ABT1: variants seen among roughly 807,000 people sequenced by gnomAD.
The protein encoded by ABT1 is TATA-binding protein-binding protein.
ABT1 carries 13 observed loss-of-function variants against 14.0 expected under a neutral mutation model. The observed-to-expected ratio is 0.93, with a 90% CI of 0.61 to 1.48. ABT1 has a LOEUF of 1.48. Among genes scored for constraint, ABT1 ranks in the 40% most tolerant of loss-of-function variants. ABT1 has a pLI of 0.00. For missense variants in ABT1, 430 were observed against 380.0 expected (o/e 1.13, Z -1.09); for synonymous variants, 165 against 144.6 (o/e 1.14, Z -1.01).
In ABT1 at chr6:26,597,114, G is replaced by A; in HGVS notation, c.132G>A (p.Val44=). ...EAACGSKKRV[V]PGIVYLGHIP... ...CCTGTGGCAGCAAGAAACGGGTAGT[G>A]CCAGGTATTGTGTACCTGGGCCATA... Residue 44 remains valine (V), a synonymous_variant, in exon 1 of 3, where the codon GTG becomes GTA. Transcript: ENST00000274849. The A allele has an allele frequency of 6.2e-7, 1 of 1,614,086 alleles. No individual in the cohort carries two copies. The highest frequency in any genetic ancestry group is 8.5e-7 in the Non-Finnish European group (1 of 1,179,984).
At position 26,598,033 on chromosome 6, in the gene ABT1, G is replaced by C; in HGVS notation, c.361G>C (p.Val121Leu). Residue 121 changes from valine (V) to leucine (L), a missense_variant, in exon 2 of 3, where the codon GTG becomes CTG. Physicochemically the swap from Val to Leu is conservative, Grantham distance 32. Coordinates refer to ENST00000274849, the MANE Select transcript of ABT1 (RefSeq NM_013375.4). ...CCGTGACAAGCGCATAGCCAAGCGC[G>C]TGGCGGCCAGTCTACACAACACGCC... ...EFRDKRIAKR[V>L]AASLHNTPMG... 1 of 1,614,220 alleles carries C rather than the reference G, an allele frequency of 6.2e-7. No homozygotes were observed. Among genetic ancestry groups the C allele is most frequent in the Non-Finnish European group, 8.5e-7 (1 of 1,180,036 alleles).
chr6:26,598,526 G>A lies in ABT1; in HGVS notation c.700G>A (p.Ala234Thr), dbSNP rs138547122. Residue 234 changes from alanine (A) to threonine (T), a missense_variant, in exon 3 of 3, where the codon GCT (alanine) becomes ACT (threonine). By Grantham distance (58) the Ala-to-Thr change is moderately conservative (BLOSUM62 0). Transcript: ENST00000274849. ...AGCACGGCCAGGGGGACGTGAACGG[G>A]CTCGCCTGGCAACTGCCCAGGACAA... ...KAARPGGRERARLATAQDKAR... is the reference protein window; with the variant it reads ...KAARPGGRERTRLATAQDKAR... 26 of 1,613,640 alleles carry A rather than the reference G, an allele frequency of 1.6e-5. No individual in the cohort carries two copies. The African/African-American group carries it at 2.7e-4, about 17-fold the overall frequency.
rs1258888955 is a variant in ABT1, at chr6:26,599,886, C to G, written c.*1241C>G. The G allele has an allele frequency of 2.6e-5, 4 of 152,238 alleles. No individual in the cohort carries two copies. Among genetic ancestry groups the G allele is most frequent in the African/African-American group, 4.8e-5 (2 of 41,454 alleles). 9.4% of individuals were successfully genotyped at this position (152,238 alleles called of 1,614,324 possible). A position where few individuals can be genotyped will look rare whatever the true frequency, so the allele number is the denominator to read the frequency against. On this transcript the variant is annotated 3_prime_UTR_variant, in exon 3 of 3. Coordinates refer to ENST00000274849, the MANE Select transcript of ABT1 (RefSeq NM_013375.4). ...AAGTGATAGAGTATGATTATAATTT[C>G]TGTTTGCTTGTGCTGTTTGTTTTTG...
Position 26,598,616 on chromosome 6 carries a change from G to A in ABT1, c.790G>A (p.Glu264Lys), listed in dbSNP as rs2113626371. 1 of 1,581,190 alleles carries A rather than the reference G, an allele frequency of 6.3e-7. No homozygotes were observed. The change falls in exon 3 of 3, where the codon GAG (glutamate) becomes AAG (lysine). Residue 264 changes from glutamate (E) to lysine (K), a missense_variant. Transcript: ENST00000274849. ...AGCCCCGCCACCCTCAGAGAGCATG[G>A]AGGGACCTTCCCTTGTCAGGGACTC... is the stretch of plus-strand genomic sequence containing the variant. ...FGAPPPSESM[E>K]GPSLVRDS
intron 1 of ABT1, 56 bp downstream of exon 1, chr6:26,597,279 G>A (rs1764915092): frequency 6.3e-7 from 1 of 1,591,456 alleles, no homozygotes; most frequent in Admixed American, 1.7e-5. Context: ...CTGGCGGGGT[G>A]CAAGCATGCA....
chr6:26,597,324 G>A (rs1764915592), intron 1 of ABT1, 101 bp downstream of exon 1: 2 of 1,524,260 alleles, frequency 1.3e-6, no homozygotes, highest in Non-Finnish European at 1.8e-6. Flanking sequence ...GCTGAGGCAC[G>A]AGTTGCTGGA....
chr6:26,598,150 C>T (rs1554144744), intron 2 of ABT1, 40 bp downstream of exon 2: 1 of 1,585,680 alleles, frequency 6.3e-7, no homozygotes, highest in Admixed American at 1.7e-5. Flanking sequence ...CTCACCCTCC[C>T]TTCTCCCCAA....
chr6:26,597,288 C>T (rs1291231117), intron 1 of ABT1, 65 bp downstream of exon 1: 3 of 1,579,312 alleles, frequency 1.9e-6, no homozygotes, highest in Non-Finnish European at 2.6e-6. Flanking sequence ...TGCAAGCATG[C>T]ATGTCCTGTT....
Position 26,599,753 on chromosome 6 carries a change from G to T in ABT1, c.*1108G>T, listed in dbSNP as rs1561910870. The T allele has an allele frequency of 6.6e-6, 1 of 152,236 alleles. No individual in the cohort carries two copies. The highest frequency in any genetic ancestry group is 1.9e-4 in the East Asian group (1 of 5,196). 9.4% of individuals were successfully genotyped at this position (152,236 alleles called of 1,614,324 possible). On this transcript the variant is annotated 3_prime_UTR_variant, in exon 3 of 3. Coordinates refer to ENST00000274849, the MANE Select transcript of ABT1 (RefSeq NM_013375.4). ...GCAAAGCAGCCCTGTAGGCTTCAAA[G>T]AATCAGTGTAAGCCACTAAAAGGAA...
chr6:26,598,738 CTG>C lies in ABT1; in HGVS notation c.*97_*98del, dbSNP rs1554144859. ...CGTGACTACCCGGGCAGACATTTTA[CTG>C]TGTTTCTCAGACCAAGTGTCTACTG... On this transcript the variant is annotated 3_prime_UTR_variant, in exon 3 of 3. Coordinates refer to ENST00000274849, the MANE Select transcript of ABT1 (RefSeq NM_013375.4). 3 of 1,449,430 alleles carry C rather than the reference CTG, an allele frequency of 2.1e-6. No individual in the cohort carries two copies. The highest frequency in any genetic ancestry group is 1.4e-5 in the African/African-American group (1 of 70,534). The allele number at this position is 1,449,430 out of a possible 1,614,324, so 89.8% of individuals were successfully genotyped here. A position where few individuals can be genotyped will look rare whatever the true frequency, so the allele number is the denominator to read the frequency against.
rs782402826 is a variant in ABT1 at position 26,598,129 on chromosome 6, C to T, written c.438+19C>T. Reference sequence around the variant, plus strand: ...CCTCAAGGTGAGAAGATAGATCTTTCTGCCACACCTCTCACCCTCCCTTCT... The same window carrying T: ...CCTCAAGGTGAGAAGATAGATCTTTTTGCCACACCTCTCACCCTCCCTTCT... On this transcript the variant is annotated intron_variant, in intron 2 of 2. Transcript: ENST00000274849. 2.5e-6 allele frequency: 4 copies of T among 1,595,690 alleles called. No individual in the cohort carries two copies. The highest frequency in any genetic ancestry group is 3.4e-6 in the Non-Finnish European group (4 of 1,166,654).
At position 26,598,018 on chromosome 6, in the gene ABT1, C is replaced by T; in HGVS notation, c.346C>T (p.Arg116Cys). The change falls in exon 2 of 3, where the codon CGC becomes TGC. Residue 116 changes from arginine (R) to cysteine (C), a missense_variant. Coordinates refer to ENST00000274849, the MANE Select transcript of ABT1 (RefSeq NM_013375.4). ...TEGWVEFRDK[R>C]IAKRVAASLH... ...GGGATGGGTGGAGTTCCGTGACAAG[C>T]GCATAGCCAAGCGCGTGGCGGCCAG... 1.2e-6 allele frequency: 2 copies of T among 1,614,206 alleles called. No homozygotes were observed. Among genetic ancestry groups the T allele is most frequent in the East Asian group, 2.2e-5 (1 of 44,870 alleles).
At position 26,598,066 on chromosome 6, in the gene ABT1, G is replaced by A; in HGVS notation, c.394G>A (p.Ala132Thr). 6.2e-7 allele frequency: 1 copy of A among 1,613,966 alleles called. No homozygotes were observed. The highest frequency in any genetic ancestry group is 8.5e-7 in the Non-Finnish European group (1 of 1,179,892). ...CAGTCTACACAACACGCCTATGGGT[G>A]CCCGCAGGCGCAGCCCCTTCCGTTA... ...AASLHNTPMG[A>T]RRRSPFRYDL... The change falls in exon 2 of 3, where the codon GCC (alanine) becomes ACC (threonine). Residue 132 changes from alanine (A) to threonine (T), a missense_variant. Transcript: ENST00000274849.
chr6:26,600,289 T>C lies in ABT1; in HGVS notation c.*1644T>C, dbSNP rs1453550377. The C allele has an allele frequency of 3.3e-5, 5 of 152,236 alleles. No homozygotes were observed. Among genetic ancestry groups the C allele is most frequent in the African/African-American group, 1.2e-4 (5 of 41,458 alleles). The allele number at this position is 152,236 out of a possible 1,614,324, so 9.4% of individuals were successfully genotyped here. On this transcript the variant is annotated 3_prime_UTR_variant, in exon 3 of 3. Coordinates refer to ENST00000274849, the MANE Select transcript of ABT1 (RefSeq NM_013375.4). The stretch of plus-strand genomic sequence containing the variant: ...AGTGCCCATTGCTACTTCTGCTAGA[T>C]AAAGAGATACCAAGGTGAAGAAGAA...
Position 26,597,055 on chromosome 6 carries a change from G to A in ABT1, c.73G>A (p.Ala25Thr), listed in dbSNP as rs1554144537. Reference protein sequence around the residue: ...PLEGTEQTLDAEEEQEESEEA... With the variant: ...PLEGTEQTLDTEEEQEESEEA... ...GGAAGGGACAGAACAGACACTAGAT[G>A]CGGAGGAGGAGCAGGAGGAATCCGA... The change falls in exon 1 of 3, where the codon GCG becomes ACG. Residue 25 changes from alanine to threonine, a missense_variant. By Grantham distance (58) the Ala-to-Thr change is moderately conservative (BLOSUM62 0). Coordinates refer to ENST00000274849, the MANE Select transcript of ABT1 (RefSeq NM_013375.4). 3 of 1,613,954 alleles carry A rather than the reference G, an allele frequency of 1.9e-6. No individual in the cohort carries two copies. The highest frequency in any genetic ancestry group is 4.5e-5 in the East Asian group (2 of 44,882).
Position 26,598,021 on chromosome 6 carries a change from A to G in ABT1, c.349A>G (p.Ile117Val). The G allele has an allele frequency of 7.4e-6, 12 of 1,614,204 alleles. No homozygotes were observed. The highest frequency in any genetic ancestry group is 1.0e-5 in the Non-Finnish European group (12 of 1,180,046). Residue 117 changes from isoleucine to valine, a missense_variant, in exon 2 of 3, where the codon ATA becomes GTA. Transcript: ENST00000274849. ...EGWVEFRDKR[I>V]AKRVAASLHN... ...ATGGGTGGAGTTCCGTGACAAGCGC[A>G]TAGCCAAGCGCGTGGCGGCCAGTCT...
At position 26,598,815 on chromosome 6, in the gene ABT1, T is replaced by G. The variant is rs13978; in HGVS notation, c.*170T>G. ...GGCTTCCACTGTCCCCACTCCGAAC[T>G]CCTGTATGTGCCTGGCTGAGTCACC... On this transcript the variant is annotated 3_prime_UTR_variant, in exon 3 of 3. Transcript: ENST00000274849. 0.035 allele frequency: 27,049 copies of G among 782,164 alleles called. 2,862 individuals carry two copies. Among genetic ancestry groups the G allele is most frequent in the African/African-American group, 0.3 (16,955 of 57,252 alleles). The allele number at this position is 782,164 out of a possible 1,614,324, so 48.5% of individuals were successfully genotyped here.
chr6:26,597,890 C>G lies in ABT1; in HGVS notation c.242-24C>G, dbSNP rs782754468. On this transcript the variant is annotated intron_variant, in intron 1 of 2. Transcript: ENST00000274849. ...GTGAGTGCTGCATAGGCGTCCTGGA[C>G]GGGTCTTTGTCTTTGGCGCGCAGAC... The G allele has an allele frequency of 1.0e-5, 16 of 1,593,042 alleles. No individual in the cohort carries two copies. The South Asian group carries it at 1.7e-4, about 17-fold the overall frequency.
chr6:26,597,065 A>G lies in ABT1; in HGVS notation c.83A>G (p.Glu28Gly). 1 of 1,613,894 alleles carries G rather than the reference A, an allele frequency of 6.2e-7. No individual in the cohort carries two copies. Residue 28 changes from glutamate (E) to glycine (G), a missense_variant, in exon 1 of 3, where the codon GAG becomes GGG. Physicochemically the swap from Glu to Gly is moderately conservative, Grantham distance 98. Transcript: ENST00000274849. The part of the protein sequence containing the change: ...GTEQTLDAEE[E>G]QEESEEAACG... ...GAACAGACACTAGATGCGGAGGAGGAGCAGGAGGAATCCGAAGAAGCGGCC... is the reference window on the plus strand; with the variant it reads ...GAACAGACACTAGATGCGGAGGAGGGGCAGGAGGAATCCGAAGAAGCGGCC...
Sources: gnomAD v4.1 joint callset for allele counts on GRCh38, gnomAD v4.1.1 for gene constraint, MANE v1.5 for transcripts, NCBI Gene and HGNC (gene_info 2026-07-23, HGNC 2026-07-21) for gene names.